Variants in MCPH1 observed in about 807,000 individuals in gnomAD.
The protein encoded by MCPH1 is microcephalin.
Under a neutral mutation model 84.5 loss-of-function variants are expected in MCPH1, and 104 were observed. That is an observed-to-expected ratio of 1.23 (90% confidence interval 1.05 to 1.45). The LOEUF (loss-of-function observed/expected upper bound fraction) is 1.45. Among genes scored for constraint, MCPH1 ranks in the 40% most tolerant of loss-of-function variants. The probability of loss-of-function intolerance (pLI) is 0.00; values close to 1 mark genes in which losing one functional copy is unlikely to be tolerated. For missense variants in MCPH1, 1,498 were observed against 1,005.7 expected (o/e 1.49, Z -6.62); for synonymous variants, 514 against 366.8 (o/e 1.40, Z -4.58).
chr8:6,541,921 T>C (rs945769361), intron 12 of MCPH1, among the ~76,000 whole-genome samples: 11 of 151,816 alleles, frequency 7.2e-5, no homozygotes, highest in East Asian at 1.9e-4. Flanking sequence ...GGTGGGAGGA[T>C]TGCTTGAGCC....
chr8:6,586,908 G>C (rs1204204902), intron 12 of MCPH1, among the ~76,000 whole-genome samples: 2 of 152,176 alleles, frequency 1.3e-5, no homozygotes, highest in East Asian at 1.9e-4. Flanking sequence ...AATTCCCTGT[G>C]CTGCTTCCTT....
chr8:6,518,699 C>G (rs934339718), intron 12 of MCPH1, among the ~76,000 whole-genome samples: 5 of 152,122 alleles, frequency 3.3e-5, no homozygotes, highest in African/African-American at 9.7e-5. Context: ...AAAATTTCCA[C>G]TTTGGTACAG....
intron 12 of MCPH1, among the ~76,000 whole-genome samples, chr8:6,609,711 C>T (rs1051435587): frequency 5.3e-5 from 8 of 152,190 alleles, no homozygotes; most frequent in African/African-American, 1.4e-4. Flanking sequence ...GAGGATGTCC[C>T]GGGAGAGTGA....
At chr8:6,419,015 T>C (rs1585625799) in intron 3 of MCPH1, among the ~76,000 whole-genome samples, 2 of 152,294 alleles carry the variant, frequency 1.3e-5, no homozygotes, top group Middle Eastern at 3.4e-3. Flanking sequence ...TTAAATATTC[T>C]GCTTCGTTGT....
At chr8:6,454,205 A>G (rs1003662773) in intron 8 of MCPH1, among the ~76,000 whole-genome samples, 1 of 152,110 alleles carries the variant, frequency 6.6e-6, no homozygotes, top group Non-Finnish European at 1.5e-5. Context: ...TACATTGTCT[A>G]TTGGGTTGTG....
At chr8:6,519,976 A>G in intron 12 of MCPH1, 3 of 1,614,100 alleles carry the variant, frequency 1.9e-6, no homozygotes, top group Non-Finnish European at 2.5e-6. Context: ...TTCTTTAGCA[A>G]CAGTGGGGTC....
chr8:6,411,212 G>C (rs1308883000), intron 2 of MCPH1, among the ~76,000 whole-genome samples: 2 of 152,206 alleles, frequency 1.3e-5, no homozygotes, highest in African/African-American at 4.8e-5. Flanking sequence ...CAGCCTGTTT[G>C]AACTGTACGG....
At chr8:6,475,277 C>G (rs1482275299) in intron 9 of MCPH1, among the ~76,000 whole-genome samples, 1 of 152,238 alleles carries the variant, frequency 6.6e-6, no homozygotes, top group Non-Finnish European at 1.5e-5. Flanking sequence ...CAAGTGTTTA[C>G]TTGGGTGCCC....
chr8:6,504,395 GC>G (rs1241867585), intron 12 of MCPH1, among the ~76,000 whole-genome samples: 1 of 150,932 alleles, frequency 6.6e-6, no homozygotes, highest in Non-Finnish European at 1.5e-5. Context: ...ATCTCCTGAT[GC>G]CCACTTCATC....
intron 13 of MCPH1, among the ~76,000 whole-genome samples, chr8:6,631,013 C>CAGGTGCTCTAAA (rs756628649): frequency 1.3e-5 from 2 of 152,152 alleles, no homozygotes; most frequent in Non-Finnish European, 2.9e-5. Flanking sequence ...AGAGATGTTG[C>CAGGTGCTCTAAA]AGGTGCTCTA....
At chr8:6,525,109 C>G (rs980311375) in intron 12 of MCPH1, among the ~76,000 whole-genome samples, 1 of 152,230 alleles carries the variant, frequency 6.6e-6, no homozygotes, top group African/African-American at 2.4e-5. Context: ...CATTTTCTGA[C>G]TCTTTAACCC....
intron 12 of MCPH1, chr8:6,563,174 G>T: frequency 2.7e-6 from 1 of 370,190 alleles, no homozygotes; most frequent in Non-Finnish European, 5.0e-6. Flanking sequence ...CACTTGGGAG[G>T]GCTGTGTCAG....
At position 6,409,086 on chromosome 8, in the gene MCPH1, C is replaced by T. The variant is rs574010040; in HGVS notation, c.23-193C>T. ...TCTTTTAGTAGAGATGGTTTTTCAC[C>T]ATGTTGGCCCGGCTGGTCTCAAACC... On this transcript the variant is annotated intron_variant, in intron 1 of 13. Coordinates refer to ENST00000344683, the MANE Select transcript of MCPH1 (RefSeq NM_024596.5). Among the ~76,000 whole-genome samples the T allele has an allele frequency of 4.6e-5, 7 of 151,950 alleles. No individual in the cohort carries two copies. The East Asian group carries it at 1.4e-3, about 29-fold the overall frequency.
At chr8:6,619,775 A>G (rs1030862060) in intron 12 of MCPH1, among the ~76,000 whole-genome samples, 1 of 152,040 alleles carries the variant, frequency 6.6e-6, no homozygotes, top group Non-Finnish European at 1.5e-5. Context: ...TAGTAGAGAC[A>G]GGGTTTCACC....
At chr8:6,597,878 C>T (rs1422207096) in intron 12 of MCPH1, among the ~76,000 whole-genome samples, 2 of 152,168 alleles carry the variant, frequency 1.3e-5, no homozygotes, top group Non-Finnish European at 2.9e-5. Flanking sequence ...TTACCCATCT[C>T]CTTAGAAGAA....
At chr8:6,533,064 T>C (rs1819826920) in intron 12 of MCPH1, among the ~76,000 whole-genome samples, 3 of 152,246 alleles carry the variant, frequency 2.0e-5, no homozygotes, top group African/African-American at 7.2e-5. Context: ...TTCCTCCGTA[T>C]TGAGTTAATT....
At chr8:6,411,916 C>T (rs1317955615) in intron 2 of MCPH1, among the ~76,000 whole-genome samples, 2 of 152,032 alleles carry the variant, frequency 1.3e-5, no homozygotes, top group African/African-American at 4.8e-5. Flanking sequence ...TGAACAAATC[C>T]TGTTTATGTC....
chr8:6,589,090 G>A (rs1185185849), intron 12 of MCPH1, among the ~76,000 whole-genome samples: 6 of 152,216 alleles, frequency 3.9e-5, no homozygotes, highest in African/African-American at 1.4e-4. Context: ...CCTGGATGAT[G>A]AATTGACAAC....
Position 6,647,380 on chromosome 8 carries a change from A to G in MCPH1, c.*4331A>G, listed in dbSNP as rs2129584490. The G allele has an allele frequency of 6.6e-6, 1 of 152,356 alleles. No homozygotes were observed. The highest frequency in any genetic ancestry group is 2.1e-4 in the South Asian group (1 of 4,822). 9.4% of individuals were successfully genotyped at this position (152,356 alleles called of 1,614,324 possible). A position where few individuals can be genotyped will look rare whatever the true frequency, so the allele number is the denominator to read the frequency against. On this transcript the variant is annotated 3_prime_UTR_variant, in exon 14 of 14. Coordinates refer to ENST00000344683, the MANE Select transcript of MCPH1 (RefSeq NM_024596.5). ...ACACCATTTGGCAGTTGCTTAAAAA[A>G]TTGAACATTCAACTACCATATGACC... is the stretch of plus-strand genomic sequence containing the variant.
Sources: allele counts gnomAD v4.1 joint callset (sites outside exome capture counted in the v4.1 genomes callset), GRCh38; gene constraint gnomAD v4.1.1; transcripts MANE v1.5; gene names NCBI Gene and HGNC (gene_info 2026-07-23, HGNC 2026-07-21).